The following ATE1 variants were observed in gnomAD, a reference collection of about 807,000 sequenced individuals.
ATE1 encodes the protein arginyltransferase 1.
In ATE1, 36 loss-of-function variants were observed where a neutral mutation model predicts 70.5. The observed-to-expected ratio is 0.51, with a 90% CI of 0.39 to 0.67. The LOEUF (loss-of-function observed/expected upper bound fraction) is 0.67. Among genes scored for constraint, ATE1 ranks in the 30% least tolerant of loss-of-function variants. The pLI is 0.00. For synonymous variants in ATE1, 232 were observed against 219.3 expected, an observed-to-expected ratio of 1.06 and a Z score of -0.51; for missense variants, 593 against 629.5, an observed-to-expected ratio of 0.94 and a Z score of 0.62.
At chr10:121,870,578 T>C (rs1333293835) in intron 7 of ATE1, among the ~76,000 whole-genome samples, 2 of 152,172 alleles carry the variant, frequency 1.3e-5, no homozygotes, top group African/African-American at 4.8e-5. Flanking sequence ...CTTTACCATG[T>C]TCTGATCTTT....
At chr10:121,870,956 A>T (rs572901760) in intron 7 of ATE1, among the ~76,000 whole-genome samples, 1 of 152,302 alleles carries the variant, frequency 6.6e-6, no homozygotes, top group African/African-American at 2.4e-5. Flanking sequence ...AATTAACTAC[A>T]ATAAAATACA....
chr10:121,924,337 A>C lies in ATE1; in HGVS notation c.107-8T>G. 6.2e-7 allele frequency: 1 copy of C among 1,612,944 alleles called. No individual in the cohort carries two copies. Among genetic ancestry groups the C allele is most frequent in the Non-Finnish European group, 8.5e-7 (1 of 1,178,934 alleles). ...TGGAATGTGCCCACATGCCTGAAAA[A>C]ATAAGTAGTGTGTTAATTACGGCAG... On this transcript the variant is annotated splice_region_variant and splice_polypyrimidine_tract_variant and intron_variant, in intron 1 of 11. Coordinates refer to ENST00000224652, the MANE Select transcript of ATE1 (RefSeq NM_001001976.3).
intron 7 of ATE1, 129 bp downstream of exon 7, chr10:121,899,737 G>T: frequency 4.4e-6 from 6 of 1,365,540 alleles, no homozygotes; most frequent in Non-Finnish European, 5.9e-6. Context: ...TCAGTCTTAG[G>T]TCTTTGCAGA....
chr10:121,887,976 C>T (rs374062059), intron 7 of ATE1, among the ~76,000 whole-genome samples: 2 of 152,150 alleles, frequency 1.3e-5, no homozygotes, highest in Admixed American at 6.5e-5. Context: ...ATCAAAGATG[C>T]TAAAACAAAT....
At chr10:121,864,043 TC>T (rs1949572562) in intron 8 of ATE1, among the ~76,000 whole-genome samples, 1 of 152,238 alleles carries the variant, frequency 6.6e-6, no homozygotes, top group South Asian at 2.1e-4. Context: ...ATTGGAATGT[TC>T]CAATCTGCCC....
intron 8 of ATE1, among the ~76,000 whole-genome samples, chr10:121,866,613 C>T (rs1380738600): frequency 6.6e-6 from 1 of 152,008 alleles, no homozygotes; most frequent in Non-Finnish European, 1.5e-5. Context: ...TTTGGGAGGA[C>T]CAGGCGGGTG....
At chr10:121,879,486 T>C (rs1950163684) in intron 7 of ATE1, among the ~76,000 whole-genome samples, 2 of 152,234 alleles carry the variant, frequency 1.3e-5, no homozygotes, top group Non-Finnish European at 2.9e-5. Flanking sequence ...CTTTATCTTG[T>C]TCCCTATGCT....
chr10:121,857,170 ATGTTGTATGATACTAAGG>A (rs995119239), intron 8 of ATE1, among the ~76,000 whole-genome samples: 2 of 152,140 alleles, frequency 1.3e-5, no homozygotes, highest in Admixed American at 1.3e-4. Flanking sequence ...TTACACGGGT[ATGTTGTATGATACTAAGG>A]TTTGGGATAC....
At chr10:121,833,161 T>C (rs1057342455) in intron 10 of ATE1, among the ~76,000 whole-genome samples, 9 of 152,178 alleles carry the variant, frequency 5.9e-5, no homozygotes, top group African/African-American at 2.2e-4. Flanking sequence ...CACCTCCCTT[T>C]GCTATCAGAG....
chr10:121,917,997 G>A (rs918033741), intron 3 of ATE1, among the ~76,000 whole-genome samples: 4 of 152,038 alleles, frequency 2.6e-5, no homozygotes, highest in Non-Finnish European at 5.9e-5. Context: ...TTATATACAA[G>A]GTAAAAATAA....
chr10:121,867,471 T>C (rs1322899343), intron 8 of ATE1, among the ~76,000 whole-genome samples: 1 of 152,182 alleles, frequency 6.6e-6, no homozygotes, highest in Non-Finnish European at 1.5e-5. Flanking sequence ...TTATACATTA[T>C]CAACATTATC....
intron 11 of ATE1, among the ~76,000 whole-genome samples, chr10:121,750,478 G>A (rs1382194252): frequency 1.3e-5 from 2 of 152,088 alleles, no homozygotes; most frequent in African/African-American, 4.8e-5. Context: ...CAAATATATT[G>A]TCAACTCCAT....
chr10:121,821,178 T>A (rs1185079873), intron 10 of ATE1, among the ~76,000 whole-genome samples: 2 of 152,112 alleles, frequency 1.3e-5, no homozygotes, highest in Admixed American at 1.3e-4. Flanking sequence ...TCTCCTGACC[T>A]CGTGATCCAC....
At chr10:121,850,199 A>G (rs1269390608) in intron 8 of ATE1, among the ~76,000 whole-genome samples, 1 of 152,234 alleles carries the variant, frequency 6.6e-6, no homozygotes, top group African/African-American at 2.4e-5. Flanking sequence ...GCATTTCGTT[A>G]TATGTCCTAA....
At chr10:121,838,775 G>T (rs892803190) in intron 9 of ATE1, among the ~76,000 whole-genome samples, 1 of 151,964 alleles carries the variant, frequency 6.6e-6, no homozygotes, top group Non-Finnish European at 1.5e-5. Context: ...GCAAACAAAT[G>T]CCATGCTCAT....
chr10:121,757,071 A>G (rs749849525), intron 11 of ATE1, among the ~76,000 whole-genome samples: 1 of 152,180 alleles, frequency 6.6e-6, no homozygotes, highest in Non-Finnish European at 1.5e-5. Flanking sequence ...CACCTCTTCA[A>G]TGCTTGGATG....
rs11200216 is a variant in ATE1, at chr10:121,885,326, T to A, written c.942+14540A>T. Among the ~76,000 whole-genome samples the A allele has an allele frequency of 2.3e-4, 34 of 147,874 alleles. 1 individual carries two copies. In the East Asian group the frequency reaches 6.6e-3, roughly 29 times the overall value. On this transcript the variant is annotated intron_variant, in intron 7 of 11. Transcript: ENST00000224652. ...GGCTCACACTTGTAATCCCAGCACT[T>A]TGGGAGGCCGAGGCAGACAGATCAC...
At chr10:121,744,639 TTAGG>T (rs1185129226) in intron 11 of ATE1, among the ~76,000 whole-genome samples, 2 of 152,206 alleles carry the variant, frequency 1.3e-5, no homozygotes, top group Non-Finnish European at 2.9e-5. Flanking sequence ...CCTCATGGTC[TTAGG>T]TAGGAGGGCA....
At chr10:121,829,582 A>G (rs962124092) in intron 10 of ATE1, among the ~76,000 whole-genome samples, 5 of 151,518 alleles carry the variant, frequency 3.3e-5, no homozygotes, top group African/African-American at 9.7e-5. Context: ...GGTGGTACGC[A>G]CCTGTAATCC....
Sources: gnomAD v4.1 joint callset for allele counts (sites outside exome capture counted in the v4.1 genomes callset) on GRCh38, gnomAD v4.1.1 for gene constraint, MANE v1.5 for transcripts, NCBI Gene and HGNC (gene_info 2026-07-23, HGNC 2026-07-21) for gene names.